Variants in TM7SF3 observed in about 807,000 individuals in gnomAD.
TM7SF3 encodes the protein seven span transmembrane protein.
TM7SF3 carries 60 observed loss-of-function variants against 65.5 expected under a neutral mutation model. That is an observed-to-expected ratio of 0.92 (90% CI 0.74 to 1.14). The LOEUF is 1.14. Ranked by LOEUF, TM7SF3 falls within the 50% of genes most tolerant of loss-of-function variation. TM7SF3 has a pLI of 0.00. For missense variants in TM7SF3, 623 were observed against 684.8 expected (o/e 0.91, Z 1.01); for synonymous variants, 264 against 259.6 (o/e 1.02, Z -0.16).
intron 6 of TM7SF3, among the ~76,000 whole-genome samples, chr12:26,987,269 A>G (rs950656950): frequency 9.8e-5 from 15 of 152,340 alleles, no homozygotes; most frequent in Admixed American, 9.1e-4. Context: ...AATGCTCAAT[A>G]GGGTTCTCAA....
rs925411777 is a variant in TM7SF3, at chr12:26,973,799, C to G, written c.*166G>C. ...ATCTTTCTCATTCTCTTACAATCAT[C>G]CTAATCCCCTAGTACACCCTTACCA... On this transcript the variant is annotated 3_prime_UTR_variant, in exon 12 of 12. Transcript: ENST00000343028. 3.6e-6 allele frequency: 3 copies of G among 843,674 alleles called. No homozygotes were observed. In the Admixed American group the frequency reaches 9.4e-5, roughly 26 times the overall value. 52.3% of individuals were successfully genotyped at this position (843,674 alleles called of 1,614,324 possible). A position where few individuals can be genotyped will look rare whatever the true frequency, so the allele number is the denominator to read the frequency against.
chr12:26,982,624 C>T, intron 7 of TM7SF3, 149 bp downstream of exon 7: 1 of 524,310 alleles, frequency 1.9e-6, no homozygotes, highest in South Asian at 3.2e-5. Context: ...AAATGCATTG[C>T]AACTCAGTAG....
At chr12:27,009,073 C>G (rs574873045) in intron 1 of TM7SF3, among the ~76,000 whole-genome samples, 2 of 152,318 alleles carry the variant, frequency 1.3e-5, no homozygotes, top group Non-Finnish European at 2.9e-5. Context: ...TCACATAAGT[C>G]AAGTGAACAT....
In TM7SF3 at chr12:26,973,758, C is replaced by A; in HGVS notation, c.*207G>T. ...TGGAAATAAGAAAAAGCCTCCCTAC[C>A]ACCAACCTTTTGGTCATCTTTCTCA... On this transcript the variant is annotated 3_prime_UTR_variant, in exon 12 of 12. Transcript: ENST00000343028. The A allele has an allele frequency of 1.9e-6, 1 of 538,898 alleles. No individual in the cohort carries two copies. The highest frequency in any genetic ancestry group is 3.0e-6 in the Non-Finnish European group (1 of 335,082). 33.4% of individuals were successfully genotyped at this position (538,898 alleles called of 1,614,324 possible). A position where few individuals can be genotyped will look rare whatever the true frequency, so the allele number is the denominator to read the frequency against.
intron 6 of TM7SF3, among the ~76,000 whole-genome samples, chr12:26,984,778 A>G (rs761342623): frequency 7.2e-5 from 11 of 152,216 alleles, no homozygotes; most frequent in African/African-American, 1.2e-4. Context: ...GGTTCCATCA[A>G]AAGCAGAATC....
At chr12:26,977,935 T>C (rs566041316) in intron 9 of TM7SF3, 3 of 300,332 alleles carry the variant, frequency 1.0e-5, no homozygotes, top group East Asian at 2.1e-4. Context: ...CTGTCTCTAC[T>C]AAAAATAAAA....
chr12:26,989,015 T>C (rs1391060870), intron 6 of TM7SF3, among the ~76,000 whole-genome samples: 1 of 152,228 alleles, frequency 6.6e-6, no homozygotes, highest in African/African-American at 2.4e-5. Flanking sequence ...CTCTAGCTCA[T>C]TTTATTGTAA....
intron 9 of TM7SF3, chr12:26,977,992 A>G: frequency 2.6e-6 from 1 of 381,416 alleles, no homozygotes; most frequent in African/African-American, 2.1e-5. Context: ...GCTACTTGGG[A>G]GGCTGATGTA....
intron 7 of TM7SF3, among the ~76,000 whole-genome samples, chr12:26,981,292 T>C (rs1199055368): frequency 6.6e-6 from 1 of 152,140 alleles, no homozygotes; most frequent in African/African-American, 2.4e-5. Context: ...TTGTACTGTA[T>C]CTCAATTTCA....
chr12:26,999,368 C>T (rs1324500293), intron 3 of TM7SF3, among the ~76,000 whole-genome samples, 158 bp downstream of exon 3: 4 of 151,806 alleles, frequency 2.6e-5, no homozygotes, highest in Non-Finnish European at 4.4e-5. Context: ...TACACTCCAG[C>T]CTGGGTGACA....
chr12:26,980,507 A>G (rs1042696838), intron 8 of TM7SF3, 59 bp downstream of exon 8: 1 of 865,704 alleles, frequency 1.2e-6, no homozygotes, highest in Admixed American at 2.0e-5. Context: ...GGAAAGGTGA[A>G]GTAAAACACA....
chr12:26,973,838 G>A lies in TM7SF3; in HGVS notation c.*127C>T. 2.5e-6 allele frequency: 3 copies of A among 1,192,300 alleles called. No individual in the cohort carries two copies. Among genetic ancestry groups the A allele is most frequent in the Non-Finnish European group, 3.5e-6 (3 of 855,364 alleles). 73.9% of individuals were successfully genotyped at this position (1,192,300 alleles called of 1,614,324 possible). On this transcript the variant is annotated 3_prime_UTR_variant, in exon 12 of 12. Coordinates refer to ENST00000343028, the MANE Select transcript of TM7SF3 (RefSeq NM_016551.3). ...ACACCCTTACCATATATCAATAAGG[G>A]CACCATAATATTATGCAAAGAACAG...
intron 6 of TM7SF3, among the ~76,000 whole-genome samples, chr12:26,985,210 T>C (rs1465706459): frequency 6.6e-6 from 1 of 152,012 alleles, no homozygotes; most frequent in Non-Finnish European, 1.5e-5. Context: ...CGGTTAAAAA[T>C]ATATGGCCAG....
chr12:26,981,359 G>A (rs1003405912), intron 7 of TM7SF3, among the ~76,000 whole-genome samples: 1 of 152,164 alleles, frequency 6.6e-6, no homozygotes, highest in Non-Finnish European at 1.5e-5. Flanking sequence ...GAGGCATGGT[G>A]GCTTGTGCCT....
intron 5 of TM7SF3, among the ~76,000 whole-genome samples, chr12:26,993,164 C>T (rs975738161): frequency 3.3e-5 from 5 of 151,996 alleles, no homozygotes; most frequent in Non-Finnish European, 7.4e-5. Flanking sequence ...CCTTAGCCTC[C>T]CAAAGTGCTG....
chr12:27,001,270 A>G (rs547023654), intron 2 of TM7SF3, among the ~76,000 whole-genome samples: 1 of 152,310 alleles, frequency 6.6e-6, no homozygotes, highest in South Asian at 2.1e-4. Context: ...TAAAATGATA[A>G]TTAAGGACAA....
At chr12:26,977,150 C>G (rs889655937) in intron 9 of TM7SF3, among the ~76,000 whole-genome samples, 2 of 152,308 alleles carry the variant, frequency 1.3e-5, no homozygotes, top group Admixed American at 6.5e-5. Context: ...GACTGGGAGT[C>G]CCTAGGCTAC....
intron 1 of TM7SF3, among the ~76,000 whole-genome samples, chr12:27,012,160 G>A (rs1941267734): frequency 1.3e-5 from 2 of 152,316 alleles, no homozygotes; most frequent in Non-Finnish European, 1.5e-5. Context: ...CTTTACGGAA[G>A]TGGAAGGACT....
chr12:26,975,370 G>C, intron 11 of TM7SF3, 126 bp downstream of exon 11: 1 of 883,794 alleles, frequency 1.1e-6, no homozygotes, highest in Middle Eastern at 3.0e-4. Context: ...AGCATTGTAT[G>C]CTGTGTTCCC....
Sources: allele counts gnomAD v4.1 joint callset (sites outside exome capture counted in the v4.1 genomes callset), GRCh38; gene constraint gnomAD v4.1.1; transcripts MANE v1.5; gene names NCBI Gene and HGNC (gene_info 2026-07-23, HGNC 2026-07-21).